Variants in BAZ2B observed in about 807,000 individuals in gnomAD.
The protein encoded by BAZ2B is bromodomain adjacent to zinc finger domain protein 2B.
In BAZ2B, 91 loss-of-function variants were observed where a neutral mutation model predicts 246.0. That is an observed-to-expected ratio of 0.37 (90% CI 0.31 to 0.44). The LOEUF is 0.44. BAZ2B is among the 20% of genes least tolerant of loss of function. The probability of loss-of-function intolerance (pLI) is 1.00; values close to 1 mark genes in which losing one functional copy is unlikely to be tolerated. For synonymous variants in BAZ2B, 855 were observed against 860.0 expected (o/e 0.99, Z 0.10); for missense variants, 2,332 against 2,533.7 (o/e 0.92, Z 1.71).
chr2:159,695,094 G>A, the BAZ2B span: 2 of 151,956 alleles, frequency 1.3e-5, no homozygotes, highest in Non-Finnish European at 2.9e-5. Flanking sequence ...TATATTTATT[G>A]TCTATTTTTT....
intron 27 of BAZ2B, among the ~76,000 whole-genome samples, chr2:159,351,796 T>A (rs1303201723): frequency 6.6e-6 from 1 of 152,224 alleles, no homozygotes; most frequent in Non-Finnish European, 1.5e-5. Context: ...AGAACTATTT[T>A]AAAAACATAA....
chr2:159,506,731 T>C (rs975134020), intron 2 of BAZ2B, among the ~76,000 whole-genome samples: 2 of 152,222 alleles, frequency 1.3e-5, no homozygotes, highest in Admixed American at 1.3e-4. Flanking sequence ...ATTACCACAA[T>C]GTCTTTTCTC....
intron 2 of BAZ2B, among the ~76,000 whole-genome samples, chr2:159,549,394 A>G (rs1209899540): frequency 6.6e-6 from 1 of 152,180 alleles, no homozygotes; most frequent in Admixed American, 6.5e-5. Context: ...TCTACATTAT[A>G]CTTCAAAGTC....
chr2:159,602,290 G>C (rs1692341509), intron 1 of BAZ2B, among the ~76,000 whole-genome samples: 1 of 152,162 alleles, frequency 6.6e-6, no homozygotes, highest in South Asian at 2.1e-4. Context: ...ACAGGAAGAG[G>C]AAAGGAGGAA....
the BAZ2B span, among the ~76,000 whole-genome samples, chr2:159,707,599 G>A: frequency 5.9e-5 from 9 of 151,892 alleles, no homozygotes; most frequent in African/African-American, 1.7e-4. Flanking sequence ...AGGCTGAGGC[G>A]GGTGGATCAC....
intron 3 of BAZ2B, among the ~76,000 whole-genome samples, chr2:159,465,948 A>G (rs2076988319): frequency 6.6e-6 from 1 of 152,092 alleles, no homozygotes; most frequent in Non-Finnish European, 1.5e-5. Flanking sequence ...TTTATTTAGG[A>G]TGTATAGATG....
At chr2:159,710,438 G>A in the BAZ2B span, among the ~76,000 whole-genome samples, 95 of 152,188 alleles carry the variant, frequency 6.2e-4, no homozygotes, top group African/African-American at 2.2e-3. Flanking sequence ...TCGATCTCCT[G>A]ACCTCGTGAT....
intron 2 of BAZ2B, among the ~76,000 whole-genome samples, chr2:159,551,999 AG>A (rs1180984074): frequency 6.6e-6 from 1 of 152,254 alleles, no homozygotes; most frequent in African/African-American, 2.4e-5. Context: ...CATCAGCTAC[AG>A]AAGTAGCAGA....
intron 2 of BAZ2B, among the ~76,000 whole-genome samples, chr2:159,527,098 AG>A (rs2084837048): frequency 6.6e-6 from 1 of 152,006 alleles, no homozygotes; most frequent in South Asian, 2.1e-4. Context: ...TTTTTTAGAC[AG>A]GGTCTTGCTG....
chr2:159,693,475 G>C, the BAZ2B span: 1 of 135,442 alleles, frequency 7.4e-6, no homozygotes, highest in African/African-American at 2.7e-5. Flanking sequence ...CCCAGGCTAA[G>C]CGCAATGGTG....
intron 1 of BAZ2B, among the ~76,000 whole-genome samples, chr2:159,562,451 T>TG (rs2089970677): frequency 6.6e-6 from 1 of 152,208 alleles, no homozygotes; most frequent in Non-Finnish European, 1.5e-5. Context: ...TGCTTAGCAC[T>TG]TCGCAACATC....
intron 4 of BAZ2B, among the ~76,000 whole-genome samples, chr2:159,451,551 A>G (rs1274705367): frequency 6.6e-6 from 1 of 152,214 alleles, no homozygotes; most frequent in African/African-American, 2.4e-5. Flanking sequence ...GGCAAAAAGT[A>G]TGCTCATCTA....
the BAZ2B span, among the ~76,000 whole-genome samples, chr2:159,631,435 T>C: frequency 6.6e-6 from 1 of 152,188 alleles, no homozygotes; most frequent in African/African-American, 2.4e-5. Flanking sequence ...ATGGTCTCTA[T>C]ACACCATCTA....
At chr2:159,557,141 C>CTTT (rs35808640) in intron 1 of BAZ2B, among the ~76,000 whole-genome samples, 1 of 132,282 alleles carries the variant, frequency 7.6e-6, no homozygotes, top group African/African-American at 2.9e-5. Context: ...TACTTCTATT[C>CTTT]TTTTTTTTTT....
intron 9 of BAZ2B, 40 bp from the exon 10 acceptor site, chr2:159,431,196 A>G: frequency 6.5e-7 from 1 of 1,547,314 alleles, no homozygotes; most frequent in Non-Finnish European, 8.7e-7. Flanking sequence ...ATAACTAGAT[A>G]ATCACCAATA....
chr2:159,462,689 A>T, intron 3 of BAZ2B: 2 of 1,334,144 alleles, frequency 1.5e-6, no homozygotes, highest in Non-Finnish European at 2.2e-6. Context: ...AAGCACTCCA[A>T]CCACCTGGGC....
chr2:159,506,911 C>T (rs562506725), intron 2 of BAZ2B, among the ~76,000 whole-genome samples: 2 of 152,210 alleles, frequency 1.3e-5, no homozygotes, highest in South Asian at 2.1e-4. Context: ...GCAAGATAAA[C>T]TATCCAAAGA....
chr2:159,348,319 CA>C (rs541304274), intron 30 of BAZ2B, among the ~76,000 whole-genome samples: 2,069 of 27,100 alleles, frequency 0.076, 5 homozygotes, highest in African/African-American at 0.088. Context: ...GACTCTCTCA[CA>C]AAAAAAAAAA....
At chr2:159,631,880 A>G in the BAZ2B span, among the ~76,000 whole-genome samples, 2 of 152,018 alleles carry the variant, frequency 1.3e-5, no homozygotes, top group African/African-American at 2.4e-5. Flanking sequence ...TGTCCAATAC[A>G]TGTATGTGTA....
Sources: allele counts gnomAD v4.1 joint callset (sites outside exome capture counted in the v4.1 genomes callset), GRCh38; gene constraint gnomAD v4.1.1; transcripts MANE v1.5; gene names NCBI Gene and HGNC (gene_info 2026-07-23, HGNC 2026-07-21).